TGFBR3: variants seen among roughly 807,000 people sequenced by gnomAD.
The protein encoded by TGFBR3 is transforming growth factor beta receptor type 3.
A neutral mutation model predicts 87.9 loss-of-function variants in TGFBR3; 46 were observed. That is an observed-to-expected ratio of 0.52 (90% confidence interval 0.41 to 0.67). The LOEUF is 0.67. Among genes scored for constraint, TGFBR3 ranks in the 30% least tolerant of loss-of-function variants. The pLI, the probability that TGFBR3 is intolerant of heterozygous loss-of-function variation, is 0.00. For missense variants in TGFBR3, 866 were observed against 1,041.9 expected (o/e 0.83, Z 2.32); for synonymous variants, 381 against 391.6 (o/e 0.97, Z 0.32).
intron 2 of TGFBR3, among the ~76,000 whole-genome samples, chr1:91,836,638 TTTTATATATAATTATATA>T (rs1677079060): frequency 6.6e-6 from 1 of 152,032 alleles, no homozygotes; most frequent in Non-Finnish European, 1.5e-5. Context: ...GATGAAACTT[TTTTATATATAATTATATA>T]TTTCTATTGT....
intron 16 of TGFBR3, among the ~76,000 whole-genome samples, chr1:91,687,909 A>G (rs1412432975): frequency 6.6e-6 from 1 of 152,216 alleles, no homozygotes; most frequent in Admixed American, 6.5e-5. Context: ...ATTTTCTTCT[A>G]GATCTACGTG....
chr1:91,872,995 A>C (rs556905418), intron 1 of TGFBR3, among the ~76,000 whole-genome samples: 137 of 151,406 alleles, frequency 9.0e-4, no homozygotes, highest in African/African-American at 3.1e-3. Context: ...ATAGGGTTTC[A>C]CTCTGTCACT....
At chr1:91,881,936 G>A (rs917065529) in intron 1 of TGFBR3, among the ~76,000 whole-genome samples, 1 of 151,854 alleles carries the variant, frequency 6.6e-6, no homozygotes, top group African/African-American at 2.4e-5. Flanking sequence ...CTACTCGGGA[G>A]GCTGAGGCAG....
chr1:91,763,939 TAA>T (rs1234973860), intron 3 of TGFBR3, among the ~76,000 whole-genome samples: 2 of 152,220 alleles, frequency 1.3e-5, no homozygotes, highest in Non-Finnish European at 2.9e-5. Context: ...GGAATTGGCA[TAA>T]AAAGATTCCC....
intron 2 of TGFBR3, among the ~76,000 whole-genome samples, chr1:91,841,596 C>T (rs1442882676): frequency 6.6e-6 from 1 of 152,100 alleles, no homozygotes; most frequent in Middle Eastern, 3.4e-3. Context: ...AGTTCAAGAC[C>T]AGCCTGACCA....
At chr1:91,735,312 A>G (rs886289660) in intron 4 of TGFBR3, among the ~76,000 whole-genome samples, 1 of 152,250 alleles carries the variant, frequency 6.6e-6, no homozygotes, top group Non-Finnish European at 1.5e-5. Flanking sequence ...GGAAGCCTTG[A>G]TGAATGTTCT....
chr1:91,828,397 GA>G (rs1345208676), intron 2 of TGFBR3, among the ~76,000 whole-genome samples: 1 of 152,176 alleles, frequency 6.6e-6, no homozygotes, highest in African/African-American at 2.4e-5. Context: ...AGACAGGAAG[GA>G]AACATCAAAT....
intron 5 of TGFBR3, among the ~76,000 whole-genome samples, chr1:91,731,778 C>T (rs754856418): frequency 6.6e-6 from 1 of 152,122 alleles, no homozygotes; most frequent in Non-Finnish European, 1.5e-5. Flanking sequence ...GTATAGGTTT[C>T]CTGAATTAAC....
intron 3 of TGFBR3, among the ~76,000 whole-genome samples, chr1:91,782,858 G>A (rs765342989): frequency 2.0e-5 from 3 of 152,188 alleles, no homozygotes; most frequent in African/African-American, 4.8e-5. Context: ...CTCACTCTGG[G>A]AGGGGGACTC....
chr1:91,739,284 C>G (rs1187618695), intron 4 of TGFBR3, among the ~76,000 whole-genome samples: 1 of 152,108 alleles, frequency 6.6e-6, no homozygotes, highest in African/African-American at 2.4e-5. Flanking sequence ...ACAGTGGTCA[C>G]TCACACCAGG....
At chr1:91,861,854 T>G in intron 1 of TGFBR3, 1 of 281,332 alleles carries the variant, frequency 3.6e-6, no homozygotes, top group South Asian at 3.0e-5. Context: ...TATTTGTTAT[T>G]GGCTTTTTTT....
chr1:91,879,757 AAAT>A (rs1458830019), intron 1 of TGFBR3, among the ~76,000 whole-genome samples: 1 of 152,230 alleles, frequency 6.6e-6, no homozygotes, highest in Non-Finnish European at 1.5e-5. Flanking sequence ...CAAGCAGAGA[AAAT>A]AAAGCTCAAT....
intron 2 of TGFBR3, among the ~76,000 whole-genome samples, chr1:91,842,032 C>T (rs1266619278): frequency 6.0e-5 from 9 of 148,856 alleles, no homozygotes; most frequent in Admixed American, 2.0e-4. Flanking sequence ...GACTGGGAGC[C>T]GAAGGTTGCA....
intron 3 of TGFBR3, among the ~76,000 whole-genome samples, chr1:91,786,480 G>A (rs1013867443): frequency 3.3e-5 from 5 of 152,194 alleles, no homozygotes; most frequent in African/African-American, 9.7e-5. Flanking sequence ...GCCAGGTGTG[G>A]TGGCTCACAC....
chr1:91,729,866 G>T lies in TGFBR3; in HGVS notation c.676C>A (p.Gln226Lys), dbSNP rs1672700899. The change falls in exon 6 of 17, where the codon CAG becomes AAG. Residue 226 changes from glutamine to lysine, a missense_variant. Gln to Lys is a moderately conservative substitution (Grantham distance 53). Transcript: ENST00000212355. The part of the protein sequence containing the change: ...KAAEGCVMSS[Q>K]PQNEEVHIIE... ...ATGTGTACTTCCTCATTCTGGGGCT[G>T]GCTGGACATCACACACCCTTCTGCT... The T allele has an allele frequency of 6.2e-7, 1 of 1,614,178 alleles. No individual in the cohort carries two copies. Among genetic ancestry groups the T allele is most frequent in the Non-Finnish European group, 8.5e-7 (1 of 1,180,026 alleles).
chr1:91,765,026 C>T (rs1403136728), intron 3 of TGFBR3, among the ~76,000 whole-genome samples: 1 of 152,090 alleles, frequency 6.6e-6, no homozygotes, highest in Non-Finnish European at 1.5e-5. Flanking sequence ...TAAACTTTCT[C>T]AAAACATTAT....
At chr1:91,699,431 CTTTTTT>C (rs60223260) in intron 14 of TGFBR3, among the ~76,000 whole-genome samples, 22 of 80,840 alleles carry the variant, frequency 2.7e-4, no homozygotes, top group Admixed American at 9.8e-4. Context: ...CTTTCTTTTG[CTTTTTT>C]TTTTTTTTTT....
chr1:91,866,712 A>C (rs1376266418), intron 1 of TGFBR3: 2 of 152,212 alleles, frequency 1.3e-5, no homozygotes, highest in Non-Finnish European at 2.9e-5. Flanking sequence ...CAAACATGTA[A>C]CTACACGATA....
intron 2 of TGFBR3, among the ~76,000 whole-genome samples, chr1:91,894,458 G>A (rs1221431267): frequency 1.3e-5 from 2 of 152,036 alleles, no homozygotes; most frequent in Non-Finnish European, 2.9e-5. Flanking sequence ...GTCTTCCTTT[G>A]TTGCCCACAC....
Sources: gnomAD v4.1 joint callset for allele counts (sites outside exome capture counted in the v4.1 genomes callset) on GRCh38, gnomAD v4.1.1 for gene constraint, MANE v1.5 for transcripts, NCBI Gene and HGNC (gene_info 2026-07-23, HGNC 2026-07-21) for gene names.